TENM1: variants seen among roughly 807,000 people sequenced by gnomAD.
TENM1 encodes teneurin-1.
A neutral mutation model predicts 174.8 loss-of-function variants in TENM1; 35 were observed. The observed-to-expected ratio is 0.20, with a 90% CI of 0.15 to 0.27. TENM1 has a LOEUF of 0.27. TENM1 is among the 10% of genes least tolerant of loss of function. TENM1 has a pLI of 1.00. For missense variants in TENM1, 1,633 were observed against 2,130.1 expected, an observed-to-expected ratio of 0.77 and a Z score of 4.59; for synonymous variants, 781 against 798.7, an observed-to-expected ratio of 0.98 and a Z score of 0.37.
intron 3 of TENM1, among the ~76,000 whole-genome samples, chrX:124,819,745 A>T (rs752859989): frequency 9.0e-6 from 1 of 110,914 alleles, no homozygotes; most frequent in Non-Finnish European, 1.9e-5. Context: ...AATTAATCTG[A>T]ATGATACTGG....
At chrX:124,813,357 T>C (rs1423607523) in intron 3 of TENM1, among the ~76,000 whole-genome samples, 1 of 111,845 alleles carries the variant, frequency 8.9e-6, no homozygotes, top group African/African-American at 3.2e-5. Flanking sequence ...GGAATTCCAA[T>C]TTATCAAACT....
At chrX:124,769,100 AATT>A (rs1325572085) in intron 3 of TENM1, among the ~76,000 whole-genome samples, 2 of 112,275 alleles carry the variant, frequency 1.8e-5, no homozygotes, top group African/African-American at 6.5e-5. Flanking sequence ...TGTTAAATAC[AATT>A]ATTATTATAA....
chrX:124,499,324 C>G (rs1430811092), intron 19 of TENM1, among the ~76,000 whole-genome samples: 3 of 111,510 alleles, frequency 2.7e-5, no homozygotes, highest in Non-Finnish European at 5.7e-5. Context: ...GAGGGTAAAA[C>G]ATGCTATAAT....
At chrX:125,063,084 G>C in the TENM1 span, among the ~76,000 whole-genome samples, 2 of 112,024 alleles carry the variant, frequency 1.8e-5, no homozygotes, top group Admixed American at 9.5e-5. Flanking sequence ...TCATGAGTGA[G>C]AAAATATAGT....
chrX:124,468,544 C>T (rs2061266067), intron 22 of TENM1, among the ~76,000 whole-genome samples: 1 of 112,453 alleles, frequency 8.9e-6, no homozygotes, highest in African/African-American at 3.2e-5. Flanking sequence ...TTATCCCTAT[C>T]CTCTTTTTCC....
chrX:124,737,029 G>C (rs1355107541), exon 4 of TENM1: 1 of 1,209,682 alleles, frequency 8.3e-7, no homozygotes, highest in African/African-American at 1.8e-5. Flanking sequence ...CGTGCTGGTT[G>C]GGGGAGCTGG....
intron 3 of TENM1, among the ~76,000 whole-genome samples, chrX:124,848,971 T>C (rs1312606739): frequency 9.0e-6 from 1 of 111,706 alleles, no homozygotes; most frequent in African/African-American, 3.2e-5. Context: ...TATTGTTGTA[T>C]GGTTTAATTT....
rs763654793 is a variant in TENM1 at position 124,422,336 on chromosome X, G to A, written c.4407C>T (p.Tyr1469=). The change falls in exon 24 of 32, where the codon TAC becomes TAT. Residue 1469 remains tyrosine, a synonymous_variant. Coordinates refer to ENST00000422452, the Ensembl canonical transcript of TENM1. The stretch of plus-strand genomic sequence containing the variant: ...AGTCAGTGGGGGCACCAGCGATGAT[G>A]TAGATCTCCCCATTGGTGGTTACTT... The A allele has an allele frequency of 3.3e-6, 4 of 1,211,416 alleles. No individual in the cohort carries two copies. The East Asian group carries it at 1.2e-4, about 36-fold the overall frequency.
At chrX:124,811,346 T>C (rs1214964232) in intron 3 of TENM1, among the ~76,000 whole-genome samples, 4 of 111,334 alleles carry the variant, frequency 3.6e-5, no homozygotes, top group Non-Finnish European at 3.8e-5. Context: ...GATTAAAAAA[T>C]TGGCAAAAGG....
the TENM1 span, among the ~76,000 whole-genome samples, chrX:125,172,691 T>C: frequency 3.4e-5 from 1 of 29,194 alleles, no homozygotes; most frequent in Admixed American, 4.6e-4. Flanking sequence ...ATATCTATTA[T>C]AGACTTTTGT....
At chrX:124,778,871 T>G (rs1301116043) in intron 3 of TENM1, among the ~76,000 whole-genome samples, 1 of 112,299 alleles carries the variant, frequency 8.9e-6, no homozygotes, top group Non-Finnish European at 1.9e-5. Context: ...AGCATCTGTA[T>G]AAAAATTTAA....
chrX:125,198,976 A>G, the TENM1 span, among the ~76,000 whole-genome samples: 1 of 111,833 alleles, frequency 8.9e-6, no homozygotes, highest in Non-Finnish European at 1.9e-5. Context: ...TAATTGTTGT[A>G]GAATGCAAGC....
chrX:124,904,689 G>A (rs1386851243), intron 1 of TENM1, among the ~76,000 whole-genome samples: 1 of 112,137 alleles, frequency 8.9e-6, no homozygotes, highest in Non-Finnish European at 1.9e-5. Context: ...TCTTCTGACT[G>A]AAATAGTCAC....
the TENM1 span, among the ~76,000 whole-genome samples, chrX:125,098,582 A>T: frequency 2.4e-4 from 27 of 112,393 alleles, no homozygotes; most frequent in African/African-American, 8.1e-4. Flanking sequence ...CATAAAGACA[A>T]CAACAAGAAA....
rs189699755 is a variant in TENM1, at chrX:124,707,245, C to T, written c.777-1994G>A. On this transcript the variant is annotated intron_variant, in intron 4 of 31. Transcript: ENST00000422452. ...CTTGAACTCCTGAGCTCAGGCAATC[C>T]GCCTACCTCAGCCTCCTAAAGTGCT... Among the ~76,000 whole-genome samples, 19 of 111,915 alleles carry T rather than the reference C, an allele frequency of 1.7e-4. No individual in the cohort carries two copies. In the East Asian group the frequency reaches 4.5e-3, roughly 26 times the overall value.
chrX:124,512,785 T>C (rs1186256528), intron 18 of TENM1, among the ~76,000 whole-genome samples: 1 of 111,808 alleles, frequency 8.9e-6, no homozygotes, highest in Non-Finnish European at 1.9e-5. Context: ...ATTATACCAA[T>C]TCCCTACAGC....
intron 18 of TENM1, among the ~76,000 whole-genome samples, chrX:124,516,111 T>C (rs1422943887): frequency 8.9e-6 from 1 of 111,944 alleles, no homozygotes; most frequent in Non-Finnish European, 1.9e-5. Flanking sequence ...AAGGACTCCC[T>C]ATTCAAAAAA....
chrX:124,579,438 C>G (rs1268986969), intron 11 of TENM1, among the ~76,000 whole-genome samples: 1 of 111,414 alleles, frequency 9.0e-6, no homozygotes, highest in East Asian at 2.8e-4. Context: ...GCCTTTCCCA[C>G]AGCCTATCTC....
At chrX:124,965,745 C>A (rs959868642), upstream of TENM1, among the ~76,000 whole-genome samples, 1 of 111,002 alleles carries the variant, frequency 9.0e-6, no homozygotes, top group Non-Finnish European at 1.9e-5. Flanking sequence ...TCTAATCTCA[C>A]GCCAGTATAT....
Sources: allele counts gnomAD v4.1 joint callset (sites outside exome capture counted in the v4.1 genomes callset), GRCh38; gene constraint gnomAD v4.1.1; transcripts MANE v1.5; gene names NCBI Gene and HGNC (gene_info 2026-07-23, HGNC 2026-07-21).